IGSF11: variants seen among roughly 807,000 people sequenced by gnomAD.
IGSF11 encodes CXADR like 1.
In IGSF11, 22 loss-of-function variants were observed where a neutral mutation model predicts 41.0. That is an observed-to-expected ratio of 0.54 (90% confidence interval 0.38 to 0.77). The LOEUF is 0.77. Ranked by LOEUF, IGSF11 falls within the 30% of genes least tolerant of loss-of-function variation. The pLI, the probability that IGSF11 is intolerant of heterozygous loss-of-function variation, is 0.00. For synonymous variants in IGSF11, 219 were observed against 201.3 expected, an observed-to-expected ratio of 1.09 and a Z score of -0.74; for missense variants, 444 against 530.8, an observed-to-expected ratio of 0.84 and a Z score of 1.61.
chr3:118,918,250 C>A (rs903444896), intron 4 of IGSF11, among the ~76,000 whole-genome samples: 2 of 116,036 alleles, frequency 1.7e-5, no homozygotes, highest in Non-Finnish European at 3.2e-5. Flanking sequence ...GTTGGGAGTT[C>A]TGGCCAGGGC....
intron 1 of IGSF11, among the ~76,000 whole-genome samples, chr3:118,946,780 CT>C (rs1944176700): frequency 6.6e-6 from 1 of 152,212 alleles, no homozygotes; most frequent in Admixed American, 6.5e-5. Flanking sequence ...TCTGCTATCA[CT>C]GTTTCTTTAT....
At chr3:119,103,090 C>T (rs185014882) in intron 1 of IGSF11, among the ~76,000 whole-genome samples, 2 of 151,510 alleles carry the variant, frequency 1.3e-5, no homozygotes, top group South Asian at 2.1e-4. Context: ...CTCCGCCTCC[C>T]GGGTTCATGC....
In IGSF11 at chr3:119,048,627, A is replaced by G. The variant is rs1192335053; in HGVS notation, c.49+56517T>C. On this transcript the variant is annotated intron_variant, in intron 1 of 6. Coordinates refer to the IGSF11 transcript ENST00000354673. The stretch of plus-strand genomic sequence containing the variant: ...ATTCCAATCAATAGAAAAAGAAGGA[A>G]TACTCCCTAACTCATTTTATGAGGC... Among the ~76,000 whole-genome samples, 5 of 151,904 alleles carry G rather than the reference A, an allele frequency of 3.3e-5. No homozygotes were observed. The East Asian group carries it at 5.8e-4, about 18-fold the overall frequency.
chr3:118,968,539 T>G (rs2107613943), intron 1 of IGSF11, among the ~76,000 whole-genome samples: 1 of 152,250 alleles, frequency 6.6e-6, no homozygotes, highest in East Asian at 1.9e-4. Flanking sequence ...GAGCTAGAAT[T>G]TAGGGCAAAA....
intron 1 of IGSF11, among the ~76,000 whole-genome samples, chr3:119,075,270 C>G (rs1417509475): frequency 6.6e-6 from 1 of 152,018 alleles, no homozygotes; most frequent in Non-Finnish European, 1.5e-5. Context: ...TTCCCAGGAT[C>G]AAACCAGAAA....
At chr3:118,935,248 T>C (rs933824806) in intron 1 of IGSF11, among the ~76,000 whole-genome samples, 2 of 143,918 alleles carry the variant, frequency 1.4e-5, no homozygotes, top group Non-Finnish European at 3.0e-5. Flanking sequence ...TATATATATG[T>C]ATATATATAT....
At chr3:118,970,348 G>A (rs578047328) in intron 1 of IGSF11, among the ~76,000 whole-genome samples, 1 of 152,112 alleles carries the variant, frequency 6.6e-6, no homozygotes, top group African/African-American at 2.4e-5. Context: ...AACTCCAATT[G>A]TTACCACATA....
intron 1 of IGSF11, among the ~76,000 whole-genome samples, chr3:119,111,491 T>C (rs1462403182): frequency 3.9e-5 from 6 of 152,190 alleles, no homozygotes; most frequent in Non-Finnish European, 8.8e-5. Context: ...CATATATTCA[T>C]CTAAATTTTT....
In IGSF11 at chr3:119,124,270, T is replaced by G. The variant is rs1229748311; in HGVS notation, c.-13-19065A>C. On this transcript the variant is annotated intron_variant, in intron 1 of 7. Transcript: ENST00000425327. ...TGTTAAGAAACACATCAGAGCCTTTTTTTTTTTTTTTTTTTTTTTGAGATA... is the reference window on the plus strand; with the variant it reads ...TGTTAAGAAACACATCAGAGCCTTTGTTTTTTTTTTTTTTTTTTTGAGATA... Among the ~76,000 whole-genome samples the G allele has an allele frequency of 1.4e-4, 6 of 43,638 alleles. No homozygotes were observed. The South Asian group carries it at 3.9e-3, about 28-fold the overall frequency. 28.6% of individuals were successfully genotyped at this position (43,638 alleles called of 152,430 possible).
chr3:119,015,525 T>A (rs779456063), intron 1 of IGSF11, among the ~76,000 whole-genome samples: 4 of 152,180 alleles, frequency 2.6e-5, no homozygotes, highest in Non-Finnish European at 4.4e-5. Flanking sequence ...ATTTTTTCTG[T>A]ATCATGCTAT....
intron 1 of IGSF11, among the ~76,000 whole-genome samples, chr3:119,014,643 C>T (rs1938491396): frequency 6.6e-6 from 1 of 152,120 alleles, no homozygotes; most frequent in South Asian, 2.1e-4. Flanking sequence ...TGGATTCTGG[C>T]CTAAACTTTG....
upstream of IGSF11, among the ~76,000 whole-genome samples, chr3:119,036,087 A>G (rs1162501242): frequency 1.3e-5 from 2 of 152,210 alleles, no homozygotes; most frequent in Non-Finnish European, 2.9e-5. Flanking sequence ...TGGATATTAT[A>G]TTTTTAAGGT....
chr3:119,010,164 T>C (rs866864298), intron 1 of IGSF11, among the ~76,000 whole-genome samples: 2 of 152,168 alleles, frequency 1.3e-5, no homozygotes, highest in Middle Eastern at 3.2e-3. Context: ...CAGACTCCTA[T>C]TGCAGAGCTG....
chr3:118,916,018 T>C (rs1941037584), intron 4 of IGSF11, among the ~76,000 whole-genome samples: 3 of 139,020 alleles, frequency 2.2e-5, no homozygotes, highest in Admixed American at 2.1e-4. Flanking sequence ...GCTTCATAAG[T>C]GAAGGAGAAA....
chr3:119,095,147 A>G (rs753928461), intron 1 of IGSF11, among the ~76,000 whole-genome samples: 1 of 152,234 alleles, frequency 6.6e-6, no homozygotes, highest in Admixed American at 6.5e-5. Context: ...AAAAATGACA[A>G]TAAGAAGCTG....
At chr3:119,101,184 A>G in intron 1 of IGSF11, among the ~76,000 whole-genome samples, 1 of 152,180 alleles carries the variant, frequency 6.6e-6, no homozygotes, top group East Asian at 1.9e-4. Flanking sequence ...CTTTTTACAA[A>G]TTTACTTTTA....
rs2107741096 is a variant in IGSF11 at position 119,034,631 on chromosome 3, A to C, written c.-49T>G. 1 of 1,540,562 alleles carries C rather than the reference A, an allele frequency of 6.5e-7. No individual in the cohort carries two copies. Among genetic ancestry groups the C allele is most frequent in the Middle Eastern group, 2.2e-4 (1 of 4,522 alleles). ...TGCCTCCTACCCGGCTCCCGGTCGCAACAGGAGAGGAGCGGGCGTGAGTCT... is the reference window on the plus strand; with the variant it reads ...TGCCTCCTACCCGGCTCCCGGTCGCCACAGGAGAGGAGCGGGCGTGAGTCT... On this transcript the variant is annotated 5_prime_UTR_variant, in exon 1 of 7. Coordinates refer to ENST00000393775, the MANE Select transcript of IGSF11 (RefSeq NM_001015887.3).
intron 1 of IGSF11, among the ~76,000 whole-genome samples, chr3:119,090,168 C>T (rs2076741763): frequency 6.6e-6 from 1 of 151,918 alleles, no homozygotes. Flanking sequence ...AAATGAAATA[C>T]CTAGGAATAT....
chr3:118,975,363 T>TTAAAAAAAAAA (rs765744961), intron 1 of IGSF11, among the ~76,000 whole-genome samples: 4,781 of 140,080 alleles, frequency 0.034, 310 homozygotes, highest in African/African-American at 0.12. Flanking sequence ...CTGCTGGATT[T>TTAAAAAAAAAA]AAAAAAAAAA....
Sources: gnomAD v4.1 joint callset for allele counts (sites outside exome capture counted in the v4.1 genomes callset) on GRCh38, gnomAD v4.1.1 for gene constraint, MANE v1.5 for transcripts, NCBI Gene and HGNC (gene_info 2026-07-23, HGNC 2026-07-21) for gene names.